The following PLCZ1 variants were observed in gnomAD, a reference collection of about 807,000 sequenced individuals.
The protein encoded by PLCZ1 is phospholipase C zeta 1, also known as 1-phosphatidylinositol 4,5-bisphosphate phosphodiesterase zeta-1.
A neutral mutation model predicts 76.8 loss-of-function variants in PLCZ1; 64 were observed. That is an observed-to-expected ratio of 0.83 (90% CI 0.68 to 1.03). The LOEUF is 1.03. Among genes scored for constraint, PLCZ1 ranks in the 50% least tolerant of loss-of-function variants. The pLI is 0.00. For missense variants in PLCZ1, 751 were observed against 713.7 expected, an observed-to-expected ratio of 1.05 and a Z score of -0.60; for synonymous variants, 248 against 230.8, an observed-to-expected ratio of 1.07 and a Z score of -0.68.
chr12:18,709,253 T>G (rs1302398139), intron 6 of PLCZ1, among the ~76,000 whole-genome samples: 1 of 152,118 alleles, frequency 6.6e-6, no homozygotes, highest in Non-Finnish European at 1.5e-5. Flanking sequence ...GTTTTTTCAG[T>G]ACCATTTATT....
chr12:18,725,563 C>G (rs1240099942), intron 3 of PLCZ1, among the ~76,000 whole-genome samples: 1 of 152,090 alleles, frequency 6.6e-6, no homozygotes, highest in African/African-American at 2.4e-5. Context: ...ATCTGACCAT[C>G]TCAACTCCCT....
intron 3 of PLCZ1, among the ~76,000 whole-genome samples, chr12:18,725,083 A>G (rs1280052910): frequency 6.6e-6 from 1 of 152,172 alleles, no homozygotes; most frequent in East Asian, 1.9e-4. Flanking sequence ...GAATCACTAT[A>G]GTTGATCAAA....
chr12:18,647,825 A>C, the PLCZ1 span: 1 of 1,093,312 alleles, frequency 9.1e-7, no homozygotes, highest in Middle Eastern at 2.1e-4. Context: ...CAAAAAAGAG[A>C]TGTATTTAAG....
chr12:18,699,019 C>T (rs138049075), intron 10 of PLCZ1, among the ~76,000 whole-genome samples: 1 of 152,280 alleles, frequency 6.6e-6, no homozygotes, highest in African/African-American at 2.4e-5. Flanking sequence ...GGACATTCCC[C>T]ACATAATGAG....
chr12:18,700,159 C>A (rs1262664648), intron 9 of PLCZ1, among the ~76,000 whole-genome samples: 1 of 151,894 alleles, frequency 6.6e-6, no homozygotes, highest in Non-Finnish European at 1.5e-5. Context: ...ATTTAAAAAT[C>A]ATGATTAATG....
intron 5 of PLCZ1, among the ~76,000 whole-genome samples, chr12:18,716,788 T>C (rs1231175130): frequency 6.6e-6 from 1 of 152,222 alleles, no homozygotes; most frequent in East Asian, 1.9e-4. Flanking sequence ...TGTTGTAACT[T>C]ATTTAGATTG....
the PLCZ1 span, among the ~76,000 whole-genome samples, chr12:18,674,671 A>G: frequency 1.3e-5 from 2 of 152,212 alleles, no homozygotes; most frequent in Non-Finnish European, 2.9e-5. Flanking sequence ...AACTACTCCC[A>G]TGAAGAGGCA....
chr12:18,725,961 T>G (rs1338676098), intron 3 of PLCZ1, among the ~76,000 whole-genome samples: 1 of 152,016 alleles, frequency 6.6e-6, no homozygotes, highest in Non-Finnish European at 1.5e-5. Flanking sequence ...TTACAGGCCT[T>G]ATTAGATTGG....
the PLCZ1 span, among the ~76,000 whole-genome samples, chr12:18,661,376 A>AG: frequency 0.12 from 18,657 of 151,388 alleles, 1,353 homozygotes; most frequent in African/African-American, 0.2. Context: ...AATAAAAAAA[A>AG]AGAGAGAGAG....
Position 18,737,916 on chromosome 12 carries a change from GCA to G in PLCZ1, c.-139+14_-139+15del. On this transcript the variant is annotated intron_variant, in intron 1 of 14. Coordinates refer to ENST00000266505, the MANE Select transcript of PLCZ1 (RefSeq NM_033123.4). ...CTCTAGATCGTTGACAACATATAATGCACACAGAGACACACCACTTTCGAAGA... is the reference window on the plus strand; with the variant it reads ...CTCTAGATCGTTGACAACATATAATGCACAGAGACACACCACTTTCGAAGA... The G allele has an allele frequency of 3.3e-6, 1 of 303,534 alleles. No homozygotes were observed. Among genetic ancestry groups the G allele is most frequent in the South Asian group, 5.6e-5 (1 of 17,790 alleles). 18.8% of individuals were successfully genotyped at this position (303,534 alleles called of 1,614,324 possible). A position where few individuals can be genotyped will look rare whatever the true frequency, so the allele number is the denominator to read the frequency against.
chr12:18,677,899 G>C, the PLCZ1 span, among the ~76,000 whole-genome samples: 1 of 152,038 alleles, frequency 6.6e-6, no homozygotes, highest in Non-Finnish European at 1.5e-5. Flanking sequence ...GTGTGAGCAT[G>C]TGTATCCATA....
At position 18,696,229 on chromosome 12, in the gene PLCZ1, G is replaced by A; in HGVS notation, c.1212C>T (p.Thr404=). Residue 404 remains threonine, a synonymous_variant, in exon 11 of 15, where the codon ACC becomes ACT. Transcript: ENST00000266505. ...CTCTTGTTGCTTTGGGATATATTCT[G>A]GTAATGAACTTCCTGGTGTGAAAAA... The part of the protein sequence containing the change: ...EFIFHTRKFI[T]RIYPKATRAD... 1 of 1,594,704 alleles carries A rather than the reference G, an allele frequency of 6.3e-7. No individual in the cohort carries two copies. Among genetic ancestry groups the A allele is most frequent in the Non-Finnish European group, 8.6e-7 (1 of 1,168,112 alleles).
intron 3 of PLCZ1, among the ~76,000 whole-genome samples, chr12:18,733,766 T>C (rs1053207496): frequency 2.6e-5 from 4 of 152,134 alleles, no homozygotes; most frequent in Admixed American, 1.3e-4. Context: ...AGAAGATCAG[T>C]TGACTATATA....
intron 3 of PLCZ1, 63 bp from the exon 4 acceptor site, chr12:18,723,605 A>G: frequency 8.1e-7 from 1 of 1,232,280 alleles, no homozygotes; most frequent in Non-Finnish European, 1.2e-6. Flanking sequence ...AATGAATATT[A>G]GAGTATTTAT....
Position 18,684,020 on chromosome 12 carries a change from C to A in PLCZ1, c.1741+110G>T. 15 of 1,280,744 alleles carry A rather than the reference C, an allele frequency of 1.2e-5. 1 individual carries two copies. The South Asian group carries it at 2.0e-4, about 17-fold the overall frequency. The allele number at this position is 1,280,744 out of a possible 1,614,324, so 79.3% of individuals were successfully genotyped here. Reference sequence around the variant, plus strand: ...AATATGTGTCAATACATAAAATTTCCTTTACATCCTACTTTATGATAGAGC... The same window carrying A: ...AATATGTGTCAATACATAAAATTTCATTTACATCCTACTTTATGATAGAGC... On this transcript the variant is annotated intron_variant, in intron 14 of 14. Coordinates refer to ENST00000266505, the MANE Select transcript of PLCZ1 (RefSeq NM_033123.4).
chr12:18,687,769 G>A (rs1953381473), intron 13 of PLCZ1, among the ~76,000 whole-genome samples: 1 of 151,962 alleles, frequency 6.6e-6, no homozygotes. Context: ...AAGGCTAGAA[G>A]CTAAGTAGAT....
At position 18,696,151 on chromosome 12, in the gene PLCZ1, C is replaced by A; in HGVS notation, c.1290G>T (p.Met430Ile). 6.9e-7 allele frequency: 1 copy of A among 1,439,938 alleles called. No individual in the cohort carries two copies. Among genetic ancestry groups the A allele is most frequent in the African/African-American group, 1.4e-5 (1 of 70,364 alleles). The allele number at this position is 1,439,938 out of a possible 1,614,324, so 89.2% of individuals were successfully genotyped here. A position where few individuals can be genotyped will look rare whatever the true frequency, so the allele number is the denominator to read the frequency against. Residue 430 changes from methionine to isoleucine, a missense_variant and splice_region_variant, in exon 11 of 15, where the codon ATG becomes ATT. Transcript: ENST00000266505. ...AACTCAATATCGTATATAACATACC[C>A]ATTTGACAACCTATATTCCAAAATT... ...PQEFWNIGCQ[M>I]VALNFQTPGL...
chr12:18,650,331 C>CTCTCTATATATA, the PLCZ1 span, among the ~76,000 whole-genome samples: 1 of 91,986 alleles, frequency 1.1e-5, no homozygotes, highest in African/African-American at 4.4e-5. Flanking sequence ...CTCTCTCTCT[C>CTCTCTATATATA]TATATATATA....
At chr12:18,719,317 T>C (rs1958297428) in intron 5 of PLCZ1, 114 bp downstream of exon 5, 3 of 544,304 alleles carry the variant, frequency 5.5e-6, no homozygotes, top group South Asian at 5.7e-5. Flanking sequence ...CCCTATGAGT[T>C]TGGATAACAT....
Sources: allele counts gnomAD v4.1 joint callset (sites outside exome capture counted in the v4.1 genomes callset), GRCh38; gene constraint gnomAD v4.1.1; transcripts MANE v1.5; gene names NCBI Gene and HGNC (gene_info 2026-07-23, HGNC 2026-07-21).